The following CCDC3 variants were observed in gnomAD, a reference collection of about 807,000 sequenced individuals.
The protein encoded by CCDC3 is coiled-coil domain-containing protein 3.
In CCDC3, 24 loss-of-function variants were observed where a neutral mutation model predicts 21.4. The observed-to-expected ratio is 1.12, with a 90% CI of 0.81 to 1.58. The LOEUF (loss-of-function observed/expected upper bound fraction) is 1.58. Ranked by LOEUF, CCDC3 falls within the 40% of genes most tolerant of loss-of-function variation. The pLI is 0.00. For synonymous variants in CCDC3, 186 were observed against 166.0 expected (o/e 1.12, Z -0.93); for missense variants, 425 against 360.9 (o/e 1.18, Z -1.44).
At chr10:13,035,936 G>A (rs1052210885) in intron 5 of CCDC3, among the ~76,000 whole-genome samples, 16 of 152,090 alleles carry the variant, frequency 1.1e-4, no homozygotes, top group Non-Finnish European at 1.6e-4. Context: ...ATGAGGTCAG[G>A]AGATCAAGAG....
chr10:12,959,536 A>G (rs2580887), intron 2 of CCDC3, among the ~76,000 whole-genome samples: 131,114 of 152,160 alleles, frequency 0.86, 57,679 homozygotes, highest in East Asian at 1. Flanking sequence ...CAGATACCCA[A>G]CAATTACTAA....
At chr10:12,914,886 G>T (rs765434518) in intron 2 of CCDC3, among the ~76,000 whole-genome samples, 1 of 151,394 alleles carries the variant, frequency 6.6e-6, no homozygotes, top group Non-Finnish European at 1.5e-5. Context: ...TCTAACTTTG[G>T]GCTTAGTTTG....
intron 2 of CCDC3, among the ~76,000 whole-genome samples, chr10:12,904,728 G>A (rs1435165119): frequency 5.9e-5 from 9 of 152,074 alleles, no homozygotes; most frequent in Admixed American, 5.9e-4. Context: ...TCAGGTGTGA[G>A]AAAGTTTCAC....
At chr10:13,005,990 C>T (rs184478296), upstream of CCDC3, among the ~76,000 whole-genome samples, 255 of 152,288 alleles carry the variant, frequency 1.7e-3, 2 homozygotes, top group African/African-American at 6.0e-3. Context: ...CCCCAGAAAC[C>T]ATACTGAGGT....
At chr10:12,931,895 G>C (rs889637217) in intron 2 of CCDC3, among the ~76,000 whole-genome samples, 3 of 152,214 alleles carry the variant, frequency 2.0e-5, no homozygotes, top group African/African-American at 7.2e-5. Context: ...GAGGATTTGT[G>C]TATTTGGGTG....
chr10:13,092,880 A>G (rs1189385338), intron 3 of CCDC3, among the ~76,000 whole-genome samples: 1 of 152,208 alleles, frequency 6.6e-6, no homozygotes, highest in Non-Finnish European at 1.5e-5. Flanking sequence ...ATAACAGGGG[A>G]GCAGGAACTC....
At chr10:12,949,433 G>C (rs1025251178) in intron 2 of CCDC3, among the ~76,000 whole-genome samples, 2 of 152,166 alleles carry the variant, frequency 1.3e-5, no homozygotes, top group Admixed American at 1.3e-4. Flanking sequence ...CTTGGACCAG[G>C]AGTTGAACTT....
chr10:12,940,351 G>C (rs541370765), intron 2 of CCDC3, among the ~76,000 whole-genome samples: 1 of 149,674 alleles, frequency 6.7e-6, no homozygotes, highest in African/African-American at 2.5e-5. Context: ...TATATTATTG[G>C]TGCACAAGAG....
chr10:12,920,590 C>T (rs79593278), intron 2 of CCDC3, among the ~76,000 whole-genome samples: 7,241 of 152,200 alleles, frequency 0.048, 213 homozygotes, highest in Non-Finnish European at 0.071. Flanking sequence ...CAAAAGTAAT[C>T]GTGGTTTTTG....
intron 2 of CCDC3, among the ~76,000 whole-genome samples, chr10:12,973,705 C>A (rs770670049): frequency 3.3e-5 from 5 of 152,048 alleles, no homozygotes; most frequent in African/African-American, 4.8e-5. Context: ...TTTATATCCC[C>A]ACGGCCTTAC....
rs144747035 is a variant in CCDC3, at chr10:13,051,332, A to G, written c.-269-1391T>C. ...GACCCTAGGCCCTGCAGGGGTGGTCAGAAAAGCAATGAGGTATGGCAGGAA... is the reference window on the plus strand; with the variant it reads ...GACCCTAGGCCCTGCAGGGGTGGTCGGAAAAGCAATGAGGTATGGCAGGAA... On this transcript the variant is annotated intron_variant, in intron 4 of 6. Coordinates refer to the CCDC3 transcript ENST00000378839. Among the ~76,000 whole-genome samples the G allele has an allele frequency of 3.9e-3, 600 of 152,346 alleles. 2 individuals are homozygous for G. The highest frequency in any genetic ancestry group is 0.014 in the African/African-American group (568 of 41,578).
At chr10:13,067,517 T>C (rs574766881) in intron 4 of CCDC3, among the ~76,000 whole-genome samples, 3 of 152,334 alleles carry the variant, frequency 2.0e-5, no homozygotes, top group African/African-American at 7.2e-5. Flanking sequence ...GCCAGTCTTG[T>C]GGGCTTTGCA....
upstream of CCDC3, among the ~76,000 whole-genome samples, chr10:13,005,834 T>C (rs970852401): frequency 5.3e-5 from 8 of 152,340 alleles, no homozygotes; most frequent in African/African-American, 1.9e-4. Context: ...GATAACTCTA[T>C]AGATGAATTC....
At chr10:13,019,159 G>A (rs774759649) in intron 5 of CCDC3, among the ~76,000 whole-genome samples, 3 of 152,084 alleles carry the variant, frequency 2.0e-5, no homozygotes, top group South Asian at 2.1e-4. Context: ...GCATGAACCC[G>A]GGAGGCAGAG....
At chr10:12,986,299 T>C (rs949110482) in intron 2 of CCDC3, among the ~76,000 whole-genome samples, 1 of 152,206 alleles carries the variant, frequency 6.6e-6, no homozygotes, top group Non-Finnish European at 1.5e-5. Context: ...AATACTAACA[T>C]CTGAATAAAC....
intron 2 of CCDC3, among the ~76,000 whole-genome samples, chr10:12,937,992 T>TCCTTCAAATTCCCCTC (rs1554755182): frequency 2.6e-4 from 40 of 152,036 alleles, no homozygotes; most frequent in African/African-American, 9.4e-4. Context: ...CAACCCAGCA[T>TCCTTCAAATTCCCCTC]CCTCCAAAAT....
intron 3 of CCDC3, among the ~76,000 whole-genome samples, chr10:13,090,034 G>GATATATATATATAT (rs66476163): frequency 1.5e-5 from 2 of 129,168 alleles, no homozygotes; most frequent in African/African-American, 6.1e-5. Flanking sequence ...TATTCCGTTA[G>GATATATATATATAT]ATATATATAT....
At chr10:12,950,113 T>A (rs1258693332) in intron 2 of CCDC3, among the ~76,000 whole-genome samples, 1 of 152,192 alleles carries the variant, frequency 6.6e-6, no homozygotes, top group Admixed American at 6.5e-5. Flanking sequence ...CTTTCCTGCA[T>A]CTACTGTTCT....
intron 3 of CCDC3, among the ~76,000 whole-genome samples, chr10:13,089,326 T>C (rs912551183): frequency 2.0e-5 from 3 of 152,246 alleles, no homozygotes; most frequent in Non-Finnish European, 1.5e-5. Context: ...TTAACACTTA[T>C]TATGAATTCT....
Sources: gnomAD v4.1 joint callset for allele counts (sites outside exome capture counted in the v4.1 genomes callset) on GRCh38, gnomAD v4.1.1 for gene constraint, MANE v1.5 for transcripts, NCBI Gene and HGNC (gene_info 2026-07-23, HGNC 2026-07-21) for gene names.